Variants in SOS2 observed in about 807,000 individuals in gnomAD.
The protein encoded by SOS2 is SOS Ras/Rho guanine nucleotide exchange factor 2.
Under a neutral mutation model 148.2 loss-of-function variants are expected in SOS2, and 65 were observed. The observed-to-expected ratio is 0.44, with a 90% confidence interval of 0.36 to 0.54. The LOEUF (loss-of-function observed/expected upper bound fraction) is 0.54. SOS2 is among the 20% of genes least tolerant of loss of function. The pLI, the probability that SOS2 is intolerant of heterozygous loss-of-function variation, is 0.00. For missense variants in SOS2, 1,341 were observed against 1,590.2 expected, an observed-to-expected ratio of 0.84 and a Z score of 2.67; for synonymous variants, 539 against 537.1, an observed-to-expected ratio of 1.00 and a Z score of -0.05.
Position 50,205,634 on chromosome 14 carries a change from G to C in SOS2, c.88-1225C>G, listed in dbSNP as rs77820280. Among the ~76,000 whole-genome samples, 1,369 of 152,208 alleles carry C rather than the reference G, an allele frequency of 9.0e-3. 17 individuals are homozygous for C. Among genetic ancestry groups the C allele is most frequent in the African/African-American group, 0.03 (1,256 of 41,524 alleles). On this transcript the variant is annotated intron_variant, in intron 1 of 22. Coordinates refer to ENST00000216373, the MANE Select transcript of SOS2 (RefSeq NM_006939.4). ...AGAGATCCATGCCTGAACAAAATGA[G>C]AGTTTTAAAAAATTAGCATAGGCAC...
At chr14:50,197,187 C>T (rs1886337591) in intron 4 of SOS2, among the ~76,000 whole-genome samples, 1 of 152,078 alleles carries the variant, frequency 6.6e-6, no homozygotes, top group Non-Finnish European at 1.5e-5. Context: ...CAGATTATGA[C>T]CCATTGAATA....
At chr14:50,203,031 T>C (rs1025315113) in intron 2 of SOS2, among the ~76,000 whole-genome samples, 2 of 151,242 alleles carry the variant, frequency 1.3e-5, no homozygotes, top group African/African-American at 2.4e-5. Flanking sequence ...CAGTGACACG[T>C]GCCTGTAGTC....
chr14:50,170,986 C>T (rs543831991), intron 8 of SOS2, among the ~76,000 whole-genome samples: 8 of 151,668 alleles, frequency 5.3e-5, no homozygotes, highest in Non-Finnish European at 8.8e-5. Flanking sequence ...TGGTGACAGG[C>T]GCCTGTAATC....
Position 50,118,521 on chromosome 14 carries a change from G to A in SOS2, c.3822C>T (p.Cys1274=). Reference sequence around the variant, plus strand: ...TATTCTGACTAGAACTGAGCACATAGCATCGACGCGGTACCCTTGGAGAGG... The same window carrying A: ...TATTCTGACTAGAACTGAGCACATAACATCGACGCGGTACCCTTGGAGAGG... ...STPSPRVPRR[C]YVLSSSQNNL... is the part of the protein sequence containing the mutation. Residue 1274 remains cysteine (C), a synonymous_variant, in exon 23 of 23, where the codon TGC becomes TGT. Transcript: ENST00000216373. The A allele has an allele frequency of 6.2e-7, 1 of 1,614,160 alleles. No individual in the cohort carries two copies. Among genetic ancestry groups the A allele is most frequent in the Non-Finnish European group, 8.5e-7 (1 of 1,180,012 alleles).
chr14:50,138,720 C>T lies in SOS2; in HGVS notation c.2850G>A (p.Gly950=), dbSNP rs1273589799. 1 of 1,349,458 alleles carries T rather than the reference C, an allele frequency of 7.4e-7. No individual in the cohort carries two copies. Among genetic ancestry groups the T allele is most frequent in the South Asian group, 1.3e-5 (1 of 78,980 alleles). The allele number at this position is 1,349,458 out of a possible 1,614,324, so 83.6% of individuals were successfully genotyped here. ...TCTTACTGAAATTGATTAAATCTTT[C>T]CCTTTCTTTTTTAAAAAATCATTAT... ...EGNNDFLKKK[G]KDLINFSKRR... is the part of the protein sequence containing the mutation. The change falls in exon 18 of 23, where the codon GGG becomes GGA. Residue 950 remains glycine (G), a synonymous_variant. Transcript: ENST00000216373.
chr14:50,214,177 A>C (rs1886972727), intron 1 of SOS2, among the ~76,000 whole-genome samples: 1 of 152,080 alleles, frequency 6.6e-6, no homozygotes, highest in South Asian at 2.1e-4. Flanking sequence ...AATACAAACT[A>C]ATTGATAAAG....
At position 50,140,013 on chromosome 14, in the gene SOS2, A is replaced by T; in HGVS notation, c.2714T>A (p.Leu905Ter). Residue 905 changes from leucine (L) to a stop codon, truncating the protein, a stop_gained, in exon 17 of 23, where the codon TTA becomes TAA. Coordinates refer to ENST00000216373, the MANE Select transcript of SOS2 (RefSeq NM_006939.4). LOFTEE classifies it high-confidence loss of function. ...KRKILDEAVELSQDHFKKYLV... is the reference protein window; with the variant it reads ...KRKILDEAVE ...GTATTTTTTAAAGTGATCTTGACTTAATTCCACAGCTTCGTCCAAAATTTT... is the reference window on the plus strand; with the variant it reads ...GTATTTTTTAAAGTGATCTTGACTTTATTCCACAGCTTCGTCCAAAATTTT... 1 of 1,608,306 alleles carries T rather than the reference A, an allele frequency of 6.2e-7. No individual in the cohort carries two copies. The highest frequency in any genetic ancestry group is 8.5e-7 in the Non-Finnish European group (1 of 1,175,916).
At position 50,118,217 on chromosome 14, in the gene SOS2, G is replaced by T; in HGVS notation, c.*127C>A. 2.6e-6 allele frequency: 2 copies of T among 771,730 alleles called. No homozygotes were observed. Among genetic ancestry groups the T allele is most frequent in the Non-Finnish European group, 2.1e-6 (1 of 486,786 alleles). 47.8% of individuals were successfully genotyped at this position (771,730 alleles called of 1,614,324 possible). On this transcript the variant is annotated 3_prime_UTR_variant, in exon 23 of 23. Coordinates refer to ENST00000216373, the MANE Select transcript of SOS2 (RefSeq NM_006939.4). Reference sequence around the variant, plus strand: ...TTTTCCAATTCTTAAAAGCTTATTTGATCAGTAGCATTTTTGTAAGAGCAT... The same window carrying T: ...TTTTCCAATTCTTAAAAGCTTATTTTATCAGTAGCATTTTTGTAAGAGCAT...
chr14:50,209,274 C>CGTGTGTGGGTGTGTGTGTGTGTGT (rs1886780835), intron 1 of SOS2, among the ~76,000 whole-genome samples: 1 of 118,276 alleles, frequency 8.5e-6, no homozygotes, highest in East Asian at 2.3e-4. Flanking sequence ...CCTTAAATGT[C>CGTGTGTGGGTGTGTGTGTGTGTGT]GTGTGTGTGT....
intron 21 of SOS2, among the ~76,000 whole-genome samples, chr14:50,124,077 G>A (rs1459695415): frequency 1.3e-5 from 2 of 152,176 alleles, no homozygotes; most frequent in African/African-American, 4.8e-5. Flanking sequence ...GACAGGTAAG[G>A]TTTGAGATTC....
intron 4 of SOS2, among the ~76,000 whole-genome samples, chr14:50,197,666 T>C (rs1046131531): frequency 8.7e-5 from 13 of 150,268 alleles, no homozygotes; most frequent in African/African-American, 2.7e-4. Context: ...ATGGCCTCTC[T>C]TGAATAAAGT....
chr14:50,161,933 T>A (rs1361790391), intron 8 of SOS2, among the ~76,000 whole-genome samples: 1 of 151,964 alleles, frequency 6.6e-6, no homozygotes, highest in Non-Finnish European at 1.5e-5. Flanking sequence ...AAAATTTCTG[T>A]AGAGACAGGG....
At chr14:50,206,337 T>C (rs530901879) in intron 1 of SOS2, among the ~76,000 whole-genome samples, 2 of 152,230 alleles carry the variant, frequency 1.3e-5, no homozygotes, top group African/African-American at 2.4e-5. Flanking sequence ...TCAGTGTCTG[T>C]GGGAAATTAG....
chr14:50,230,835 C>A, intron 1 of SOS2: 1 of 971,498 alleles, frequency 1.0e-6, no homozygotes, highest in Non-Finnish European at 1.2e-6. Context: ...AAAGTAATTA[C>A]CCGGCCTGAA....
At chr14:50,164,717 G>A (rs74968741) in intron 8 of SOS2, among the ~76,000 whole-genome samples, 6 of 152,090 alleles carry the variant, frequency 3.9e-5, no homozygotes, top group South Asian at 2.1e-4. Context: ...GCCCCCATTC[G>A]CTTTCTACAC....
intron 4 of SOS2, among the ~76,000 whole-genome samples, chr14:50,191,341 C>A (rs1410970999): frequency 1.3e-5 from 2 of 152,094 alleles, no homozygotes; most frequent in Admixed American, 6.6e-5. Context: ...TGCTGGTAGA[C>A]ACCTGCGGTC....
At position 50,231,202 on chromosome 14, in the gene SOS2, G is replaced by T; in HGVS notation, c.82C>A (p.Arg28=). The T allele has an allele frequency of 2.0e-6, 3 of 1,474,684 alleles. No homozygotes were observed. Among genetic ancestry groups the T allele is most frequent in the South Asian group, 1.4e-5 (1 of 73,128 alleles). 91.3% of individuals were successfully genotyped at this position (1,474,684 alleles called of 1,614,324 possible). Residue 28 remains arginine, a synonymous_variant, in exon 1 of 23, where the codon CGG becomes AGG. Coordinates refer to ENST00000216373, the MANE Select transcript of SOS2 (RefSeq NM_006939.4). The part of the protein sequence containing the change: ...KWRGLLVSAL[R]KVQEQVHPTL... ...GCCCCGCCCCTAGCACTGACCTTCC[G>T]CAGGGCCGAGACCAACAGTCCCCGC...
rs71118839 is a variant in SOS2, at chr14:50,122,391, C to CTTTTTTTTTTTT, written c.3380-2019_3380-2008dup. 2.0e-4 allele frequency among the ~76,000 whole-genome samples: 18 copies of CTTTTTTTTTTTT among 88,292 alleles called. 2 individuals are homozygous for CTTTTTTTTTTTT. Among genetic ancestry groups the CTTTTTTTTTTTT allele is most frequent in the Admixed American group, 8.1e-4 (5 of 6,196 alleles). 57.9% of individuals were successfully genotyped at this position (88,292 alleles called of 152,430 possible). ...ATGAAGAGTGAAAAAGAACCCTGGG[C>CTTTTTTTTTTTT]TTTTTTTTTTTTTTTTTTTTTTGAG... On this transcript the variant is annotated intron_variant, in intron 21 of 22. Transcript: ENST00000216373.
chr14:50,135,089 A>AAAAAAGAAAGAAAGAAAGAAAG (rs1555368583), intron 18 of SOS2, among the ~76,000 whole-genome samples: 9 of 131,548 alleles, frequency 6.8e-5, no homozygotes, highest in Non-Finnish European at 1.4e-4. Context: ...AAAAAAAAAA[A>AAAAAAGAAAGAAAGAAAGAAAG]AAAGAAAGAA....
Sources: allele counts gnomAD v4.1 joint callset (sites outside exome capture counted in the v4.1 genomes callset), GRCh38; gene constraint gnomAD v4.1.1; transcripts MANE v1.5; gene names NCBI Gene and HGNC (gene_info 2026-07-23, HGNC 2026-07-21).